The following KCNH7 variants were observed in gnomAD, a reference collection of about 807,000 sequenced individuals.
KCNH7 encodes the protein voltage-gated inwardly rectifying potassium channel KCNH7.
A neutral mutation model predicts 120.8 loss-of-function variants in KCNH7; 49 were observed. The ratio of observed to expected loss-of-function variants is 0.41; its 90% CI spans 0.32 to 0.51. The LOEUF (loss-of-function observed/expected upper bound fraction) is 0.51, where lower values mean the gene tolerates loss of function less well. Among genes scored for constraint, KCNH7 ranks in the 20% least tolerant of loss-of-function variants. The pLI is 0.38. For synonymous variants in KCNH7, 547 were observed against 516.1 expected, an observed-to-expected ratio of 1.06 and a Z score of -0.81; for missense variants, 1,097 against 1,446.6, an observed-to-expected ratio of 0.76 and a Z score of 3.92.
intron 9 of KCNH7, among the ~76,000 whole-genome samples, chr2:162,401,931 A>G (rs1294090645): frequency 1.3e-5 from 2 of 151,866 alleles, no homozygotes; most frequent in African/African-American, 4.8e-5. Context: ...CTACTCATAA[A>G]TAGTGTGCCA....
At chr2:162,634,786 C>G (rs4383352) in intron 2 of KCNH7, among the ~76,000 whole-genome samples, 77,112 of 151,742 alleles carry the variant, frequency 0.51, 19,796 homozygotes, top group Middle Eastern at 0.61. Flanking sequence ...AAAGACCTGT[C>G]ACTGTTCACT....
intron 2 of KCNH7, among the ~76,000 whole-genome samples, chr2:162,676,494 C>CCT (rs1302700846): frequency 2.0e-5 from 3 of 151,360 alleles, no homozygotes; most frequent in Non-Finnish European, 4.4e-5. Flanking sequence ...CATTCCAATT[C>CCT]CTCTACTTCC....
rs369236478 is a variant in KCNH7 at position 162,379,838 on chromosome 2, C to T, written c.3131+15G>A. The stretch of plus-strand genomic sequence containing the variant: ...GGTTGGGTTATGTTCTCCTTTTGCC[C>T]ATCACTGCTTATACCTGTTAAGTTG... On this transcript the variant is annotated intron_variant, in intron 14 of 15. Transcript: ENST00000332142. The T allele has an allele frequency of 5.0e-6, 8 of 1,612,512 alleles. No homozygotes were observed. The African/African-American group carries it at 8.0e-5, about 16-fold the overall frequency.
At chr2:162,517,231 T>TC (rs1459281636) in intron 4 of KCNH7, among the ~76,000 whole-genome samples, 1 of 151,732 alleles carries the variant, frequency 6.6e-6, no homozygotes, top group African/African-American at 2.4e-5. Flanking sequence ...TTTAAATTTT[T>TC]CCCCTTCATC....
chr2:162,705,661 A>C (rs1686674738), intron 2 of KCNH7, among the ~76,000 whole-genome samples: 1 of 152,132 alleles, frequency 6.6e-6, no homozygotes, highest in African/African-American at 2.4e-5. Flanking sequence ...AAAATGGACT[A>C]TTCTATGTTA....
intron 2 of KCNH7, among the ~76,000 whole-genome samples, chr2:162,750,078 C>T (rs896789930): frequency 7.2e-5 from 11 of 152,074 alleles, no homozygotes; most frequent in African/African-American, 2.4e-4. Flanking sequence ...CTGGATTCAA[C>T]ACATTAACAT....
intron 12 of KCNH7, among the ~76,000 whole-genome samples, chr2:162,389,949 C>T (rs1476805626): frequency 1.3e-5 from 2 of 151,928 alleles, no homozygotes; most frequent in African/African-American, 4.8e-5. Context: ...TTAAGACAAA[C>T]TTTTGAAACT....
At chr2:162,624,493 C>A (rs1683473536) in intron 2 of KCNH7, among the ~76,000 whole-genome samples, 2 of 152,102 alleles carry the variant, frequency 1.3e-5, no homozygotes, top group Non-Finnish European at 2.9e-5. Context: ...AAATGGCAAA[C>A]AATAGTGCCT....
At chr2:162,718,964 A>G (rs1687230763) in intron 2 of KCNH7, among the ~76,000 whole-genome samples, 1 of 152,004 alleles carries the variant, frequency 6.6e-6, no homozygotes, top group Non-Finnish European at 1.5e-5. Context: ...GATGCAGAAA[A>G]GAATTTGGAA....
intron 10 of KCNH7, among the ~76,000 whole-genome samples, chr2:162,399,308 C>CATGGCCT (rs1687005209): frequency 1.3e-5 from 2 of 151,814 alleles, no homozygotes; most frequent in Middle Eastern, 3.4e-3. Context: ...AGAAGTACTA[C>CATGGCCT]AAGTTCACAT....
At chr2:162,658,244 A>T (rs1434875644) in intron 2 of KCNH7, among the ~76,000 whole-genome samples, 1 of 151,968 alleles carries the variant, frequency 6.6e-6, no homozygotes, top group African/African-American at 2.4e-5. Context: ...TTTGTCAAAA[A>T]GACAATGTTT....
chr2:162,773,554 G>A lies in KCNH7; in HGVS notation c.307+62983C>T, dbSNP rs114133817. Among the ~76,000 whole-genome samples the A allele has an allele frequency of 3.8e-3, 572 of 151,894 alleles. 5 individuals carry two copies. The highest frequency in any genetic ancestry group is 0.013 in the African/African-American group (538 of 41,338). On this transcript the variant is annotated intron_variant, in intron 2 of 15. Transcript: ENST00000332142. The stretch of plus-strand genomic sequence containing the variant: ...AATAAATGTGTCAGCAAATGACAAC[G>A]AAAGAAGAGCAAATAAAAATAGTGT...
chr2:162,505,464 T>C (rs1188477338), intron 5 of KCNH7, among the ~76,000 whole-genome samples: 1 of 151,922 alleles, frequency 6.6e-6, no homozygotes, highest in Non-Finnish European at 1.5e-5. Flanking sequence ...GGGTTGATAG[T>C]ACCTAGTCGC....
chr2:162,577,348 C>CCTATCTATCTATCTAT lies in KCNH7; in HGVS notation c.308-40284_308-40269dup, dbSNP rs71009364. Among the ~76,000 whole-genome samples the CCTATCTATCTATCTAT allele has an allele frequency of 7.4e-3, 972 of 131,406 alleles. 8 individuals are homozygous for CCTATCTATCTATCTAT. The highest frequency in any genetic ancestry group is 0.016 in the East Asian group (70 of 4,442). The allele number at this position is 131,406 out of a possible 152,430, so 86.2% of individuals were successfully genotyped here. On this transcript the variant is annotated intron_variant, in intron 2 of 15. Transcript: ENST00000332142. ...ATCTATCTGTCTATCATCTATCCATCCTATCTATCTATCTATCTATCTATC... is the reference window on the plus strand; with the variant it reads ...ATCTATCTGTCTATCATCTATCCATCCTATCTATCTATCTATCTATCTATCTATCTATCTATCTATC...
At chr2:162,458,454 A>T (rs921868725) in intron 6 of KCNH7, among the ~76,000 whole-genome samples, 1 of 151,996 alleles carries the variant, frequency 6.6e-6, no homozygotes, top group Non-Finnish European at 1.5e-5. Flanking sequence ...GATTTGAGGG[A>T]CTTCTGGCCC....
At chr2:162,518,639 C>A (rs189388861) in intron 3 of KCNH7, among the ~76,000 whole-genome samples, 1 of 151,714 alleles carries the variant, frequency 6.6e-6, no homozygotes, top group Non-Finnish European at 1.5e-5. Flanking sequence ...AAAGAATAGA[C>A]CTTGCATATT....
chr2:162,787,823 A>G (rs139233871), intron 2 of KCNH7, among the ~76,000 whole-genome samples: 3,905 of 152,046 alleles, frequency 0.026, 83 homozygotes, highest in Non-Finnish European at 0.033. Context: ...ACCACCCACA[A>G]TGACCCTAGT....
Position 162,836,528 on chromosome 2 carries a change from G to A in KCNH7, c.307+9C>T, listed in dbSNP as rs751360460. 1.9e-6 allele frequency: 3 copies of A among 1,604,722 alleles called. No homozygotes were observed. The highest frequency in any genetic ancestry group is 2.2e-5 in the South Asian group (2 of 90,684). On this transcript the variant is annotated intron_variant, in intron 2 of 15. Coordinates refer to ENST00000332142, the MANE Select transcript of KCNH7 (RefSeq NM_033272.4). ...CAAATAGAAGGAATCCTAAATAGAG[G>A]AATTTTACCATTTTTGTGATAGTAG...
At chr2:162,562,030 G>A (rs1311787845) in intron 2 of KCNH7, among the ~76,000 whole-genome samples, 2 of 152,042 alleles carry the variant, frequency 1.3e-5, no homozygotes, top group African/African-American at 4.8e-5. Context: ...TGGACACAGG[G>A]AGGGGATCAT....
Sources: allele counts gnomAD v4.1 joint callset (sites outside exome capture counted in the v4.1 genomes callset), GRCh38; gene constraint gnomAD v4.1.1; transcripts MANE v1.5; gene names NCBI Gene and HGNC (gene_info 2026-07-23, HGNC 2026-07-21).